LRGUK: variants seen among roughly 807,000 people sequenced by gnomAD.
LRGUK encodes leucine rich repeats and guanylate kinase domain containing.
A neutral mutation model predicts 76.0 loss-of-function variants in LRGUK; 65 were observed. That is an observed-to-expected ratio of 0.85 (90% CI 0.70 to 1.05). The LOEUF (loss-of-function observed/expected upper bound fraction) is 1.05. LRGUK is among the 50% of genes least tolerant of loss of function. The probability of loss-of-function intolerance (pLI) is 0.00; values close to 1 mark genes in which losing one functional copy is unlikely to be tolerated. For missense variants in LRGUK, 758 were observed against 732.8 expected (o/e 1.03, Z -0.40); for synonymous variants, 268 against 265.6 (o/e 1.01, Z -0.09).
Position 134,141,946 on chromosome 7 carries a change from G to T in LRGUK, c.488-1116G>T, listed in dbSNP as rs1418912105. 3.9e-5 allele frequency among the ~76,000 whole-genome samples: 6 copies of T among 152,252 alleles called. No individual in the cohort carries two copies. In the East Asian group the frequency reaches 1.2e-3, roughly 29 times the overall value. On this transcript the variant is annotated intron_variant, in intron 3 of 15. Coordinates refer to ENST00000645682, the Ensembl canonical transcript of LRGUK. ...AGAAAAATAACATAGAAATTGGGGG[G>T]AATTTTCTGGCTTCAGTGACTATTG...
intron 15 of LRGUK, among the ~76,000 whole-genome samples, chr7:134,207,575 A>C (rs1801061645): frequency 6.6e-6 from 1 of 152,158 alleles, no homozygotes; most frequent in Non-Finnish European, 1.5e-5. Flanking sequence ...GATGGGATGC[A>C]AAGGGTGCGT....
chr7:134,181,865 C>T (rs1247480647), intron 10 of LRGUK, among the ~76,000 whole-genome samples: 1 of 152,096 alleles, frequency 6.6e-6, no homozygotes, highest in Non-Finnish European at 1.5e-5. Context: ...TGCATGTGCT[C>T]TTTTGTCTTT....
intron 11 of LRGUK, among the ~76,000 whole-genome samples, chr7:134,191,057 CAG>C (rs1800222456): frequency 6.8e-6 from 1 of 146,966 alleles, no homozygotes; most frequent in African/African-American, 2.5e-5. Context: ...GGTTTATACA[CAG>C]TGTTGATATG....
chr7:134,160,444 A>C (rs896396192), intron 6 of LRGUK, among the ~76,000 whole-genome samples: 6 of 152,164 alleles, frequency 3.9e-5, no homozygotes, highest in Admixed American at 1.3e-4. Flanking sequence ...TTTCTTTTCC[A>C]AAGTTTAATA....
chr7:134,264,365 T>C (rs1802817285), exon 20 of LRGUK: 1 of 158,920 alleles, frequency 6.3e-6, no homozygotes, highest in Non-Finnish European at 1.4e-5. Context: ...TTCTGATATA[T>C]CCAACTGGGA....
chr7:134,238,061 A>T (rs1393313036), intron 16 of LRGUK, among the ~76,000 whole-genome samples: 1 of 152,098 alleles, frequency 6.6e-6, no homozygotes, highest in Non-Finnish European at 1.5e-5. Context: ...TCTCCCCCCC[A>T]TTATTTATGG....
At chr7:134,272,961 T>C in the LRGUK span, among the ~76,000 whole-genome samples, 2 of 152,156 alleles carry the variant, frequency 1.3e-5, no homozygotes, top group Non-Finnish European at 2.9e-5. Flanking sequence ...CAGGGGGTTG[T>C]GGGGTTTCAA....
Position 134,137,619 on chromosome 7 carries a change from C to A in LRGUK, c.405+489C>A, listed in dbSNP as rs1033184686. Among the ~76,000 whole-genome samples, 21 of 151,436 alleles carry A rather than the reference C, an allele frequency of 1.4e-4. No individual in the cohort carries two copies. In the East Asian group the frequency reaches 3.5e-3, roughly 25 times the overall value. On this transcript the variant is annotated intron_variant, in intron 2 of 15. Transcript: ENST00000645682. Reference sequence around the variant, plus strand: ...ACCTATCATTAAAGAAAAAAAAAATCTATTATTATTCATCAGTTTTTAAGA... The same window carrying A: ...ACCTATCATTAAAGAAAAAAAAAATATATTATTATTCATCAGTTTTTAAGA...
intron 4 of LRGUK, among the ~76,000 whole-genome samples, chr7:134,147,135 G>C (rs1022058677): frequency 6.6e-6 from 1 of 152,086 alleles, no homozygotes; most frequent in Admixed American, 6.5e-5. Flanking sequence ...AGACTAGGCC[G>C]GGCGCAGTGG....
chr7:134,193,782 C>A (rs974689180), intron 12 of LRGUK, among the ~76,000 whole-genome samples: 4 of 152,062 alleles, frequency 2.6e-5, no homozygotes, highest in South Asian at 2.1e-4. Context: ...TTCACAGAAC[C>A]CCCCTCTACA....
At chr7:134,153,910 T>G (rs1027447196) in intron 5 of LRGUK, among the ~76,000 whole-genome samples, 1 of 152,210 alleles carries the variant, frequency 6.6e-6, no homozygotes, top group Non-Finnish European at 1.5e-5. Context: ...GCTATACACT[T>G]GAACCATATT....
rs752520250 is a variant in LRGUK, at chr7:134,137,054, C to CTG, written c.332_333dup (p.Ala112TrpfsTer22). The CTG allele has an allele frequency of 6.2e-7, 1 of 1,613,478 alleles. No homozygotes were observed. Among genetic ancestry groups the CTG allele is most frequent in the African/African-American group, 1.3e-5 (1 of 74,922 alleles). On this transcript the variant is annotated frameshift_variant, in exon 2 of 16. Coordinates refer to ENST00000645682, the Ensembl canonical transcript of LRGUK. LOFTEE classifies it high-confidence loss of function. ...TTTGATGGGGTCCTGAGAGAGGAGG[C>CTG]TGTGGCCAAAGCACTCCATCACTTG...
intron 16 of LRGUK, among the ~76,000 whole-genome samples, chr7:134,240,503 A>T (rs2117191701): frequency 6.6e-6 from 1 of 152,312 alleles, no homozygotes; most frequent in East Asian, 1.9e-4. Flanking sequence ...AGTTTAGAGA[A>T]AAAAGAGTAA....
intron 16 of LRGUK, among the ~76,000 whole-genome samples, chr7:134,225,029 G>A (rs1801698804): frequency 6.7e-6 from 1 of 148,380 alleles, no homozygotes; most frequent in African/African-American, 2.5e-5. Context: ...TCCAGCCAAG[G>A]CAACAAGAGT....
intron 15 of LRGUK, 102 bp from the exon 16 acceptor site, chr7:134,221,677 C>A: frequency 1.2e-6 from 1 of 806,474 alleles, no homozygotes; most frequent in Non-Finnish European, 1.7e-6. Flanking sequence ...TTTAAGTATC[C>A]AGCTTGTTAT....
chr7:134,266,172 G>C (rs1175101729), downstream of LRGUK, among the ~76,000 whole-genome samples: 1 of 152,166 alleles, frequency 6.6e-6, no homozygotes, highest in East Asian at 1.9e-4. Context: ...ACAACAGATT[G>C]AAATAAGATC....
chr7:134,181,703 T>C (rs1048961037), intron 10 of LRGUK, among the ~76,000 whole-genome samples: 1 of 152,214 alleles, frequency 6.6e-6, no homozygotes, highest in Admixed American at 6.5e-5. Context: ...TAATTGTAGA[T>C]TCACATGAAG....
At chr7:134,160,623 T>A (rs1432208136) in intron 6 of LRGUK, among the ~76,000 whole-genome samples, 1 of 152,224 alleles carries the variant, frequency 6.6e-6, no homozygotes, top group African/African-American at 2.4e-5. Context: ...TCAACTTTTA[T>A]GATAAATATA....
intron 2 of LRGUK, among the ~76,000 whole-genome samples, chr7:134,137,876 A>G (rs1422708970): frequency 6.6e-6 from 1 of 152,118 alleles, no homozygotes; most frequent in Non-Finnish European, 1.5e-5. Flanking sequence ...CGCACATTGA[A>G]ATTTTACCAT....
Sources: allele counts gnomAD v4.1 joint callset (sites outside exome capture counted in the v4.1 genomes callset), GRCh38; gene constraint gnomAD v4.1.1; transcripts MANE v1.5; gene names NCBI Gene and HGNC (gene_info 2026-07-23, HGNC 2026-07-21).